The following MAF variants were observed in gnomAD, a reference collection of about 807,000 sequenced individuals.
The protein encoded by MAF is transcription factor Maf.
In MAF, 10 loss-of-function variants were observed where a neutral mutation model predicts 22.0. The observed-to-expected ratio is 0.45, with a 90% confidence interval of 0.28 to 0.77. The LOEUF is 0.77. Among genes scored for constraint, MAF ranks in the 30% least tolerant of loss-of-function variants. MAF has a pLI of 0.12. For synonymous variants in MAF, 337 were observed against 255.8 expected (o/e 1.32, Z -3.03); for missense variants, 544 against 548.4 (o/e 0.99, Z 0.08).
At chr16:79,447,293 C>T in the MAF span, among the ~76,000 whole-genome samples, 14 of 149,502 alleles carry the variant, frequency 9.4e-5, no homozygotes, top group South Asian at 8.5e-4. Context: ...CAACATGGTT[C>T]GCTGGATATT....
the MAF span, among the ~76,000 whole-genome samples, chr16:79,312,280 A>G: frequency 0.091 from 13,861 of 152,250 alleles, 1,391 homozygotes; most frequent in East Asian, 0.43. Flanking sequence ...CTGCATACAC[A>G]ACACAAAGGC....
At chr16:79,593,599 T>C (rs1913313597), downstream of MAF, among the ~76,000 whole-genome samples, 1 of 152,212 alleles carries the variant, frequency 6.6e-6, no homozygotes, top group Admixed American at 6.5e-5. Flanking sequence ...CCCAGGTAGT[T>C]ATGGCTTTGA....
the MAF span, among the ~76,000 whole-genome samples, chr16:79,548,013 G>T: frequency 2.0e-5 from 3 of 151,982 alleles, no homozygotes; most frequent in Non-Finnish European, 4.4e-5. Flanking sequence ...CAAAGAAACA[G>T]GTTCACACAC....
the MAF span, among the ~76,000 whole-genome samples, chr16:79,292,216 T>C: frequency 6.6e-6 from 1 of 152,264 alleles, no homozygotes; most frequent in African/African-American, 2.4e-5. Context: ...GTGTCTTTGC[T>C]GATGTGATCA....
At chr16:79,490,589 G>C in the MAF span, among the ~76,000 whole-genome samples, 4 of 148,986 alleles carry the variant, frequency 2.7e-5, no homozygotes, top group African/African-American at 9.8e-5. Context: ...AATGAATATA[G>C]AAGTATATGC....
chr16:79,299,535 T>A, the MAF span, among the ~76,000 whole-genome samples: 10 of 152,088 alleles, frequency 6.6e-5, no homozygotes, highest in African/African-American at 2.4e-4. Flanking sequence ...GGAAACTCAA[T>A]TGACGGTTAC....
At chr16:79,210,398 T>G in the MAF span, among the ~76,000 whole-genome samples, 1 of 152,140 alleles carries the variant, frequency 6.6e-6, no homozygotes, top group Non-Finnish European at 1.5e-5. Context: ...GGGAAACTCC[T>G]CCAGTAAGCA....
chr16:79,484,465 G>T, the MAF span, among the ~76,000 whole-genome samples: 6 of 152,302 alleles, frequency 3.9e-5, no homozygotes, highest in Admixed American at 3.9e-4. Context: ...CGTCCACCGG[G>T]CAATCACAGG....
the MAF span, among the ~76,000 whole-genome samples, chr16:79,486,405 A>T: frequency 1.3e-5 from 2 of 152,234 alleles, no homozygotes; most frequent in African/African-American, 4.8e-5. Flanking sequence ...TTTAACTCTT[A>T]GGACAATCTG....
chr16:79,509,019 T>C, the MAF span, among the ~76,000 whole-genome samples: 4 of 152,176 alleles, frequency 2.6e-5, no homozygotes, highest in Admixed American at 2.6e-4. Flanking sequence ...GTTAAGTGAA[T>C]TTCACCTCAA....
chr16:79,394,501 G>C, the MAF span, among the ~76,000 whole-genome samples: 6 of 152,138 alleles, frequency 3.9e-5, no homozygotes, highest in Middle Eastern at 3.2e-3. Context: ...TTTACGAATT[G>C]TTTTCACAAC....
chr16:79,521,830 C>G, the MAF span, among the ~76,000 whole-genome samples: 1 of 152,188 alleles, frequency 6.6e-6, no homozygotes, highest in Non-Finnish European at 1.5e-5. Context: ...ATACTAAGCA[C>G]TCTAATAAAT....
At chr16:79,212,243 G>A in the MAF span, 1 of 1,339,436 alleles carries the variant, frequency 7.5e-7, no homozygotes, top group Non-Finnish European at 9.9e-7. Flanking sequence ...TTGCTGCATT[G>A]ATCCAGGAGA....
the MAF span, among the ~76,000 whole-genome samples, chr16:79,560,817 C>G: frequency 6.6e-6 from 1 of 152,224 alleles, no homozygotes; most frequent in African/African-American, 2.4e-5. Flanking sequence ...ACTACCCTCC[C>G]AACTCCCCTG....
the MAF span, chr16:79,211,531 C>A: frequency 1.1e-5 from 18 of 1,586,642 alleles, no homozygotes; most frequent in Non-Finnish European, 1.6e-5. Flanking sequence ...CCTGCTAATG[C>A]CCAGGCAGTC....
chr16:79,347,540 C>A, the MAF span, among the ~76,000 whole-genome samples: 3 of 152,204 alleles, frequency 2.0e-5, no homozygotes, highest in Non-Finnish European at 4.4e-5. Context: ...CGGCTCCCAG[C>A]CCTCCCTATT....
the MAF span, among the ~76,000 whole-genome samples, chr16:79,478,006 C>A: frequency 6.6e-6 from 1 of 152,154 alleles, no homozygotes; most frequent in Admixed American, 6.5e-5. Context: ...CAGGTGTGAG[C>A]CACTGCGCCT....
intron 1 of MAF, 81 bp from the exon 2 acceptor site, chr16:79,594,634 A>G: frequency 6.7e-7 from 1 of 1,488,954 alleles, no homozygotes; most frequent in Admixed American, 2.3e-5. Flanking sequence ...AGATTTCCTC[A>G]TATGATTTTT....
At chr16:79,350,063 T>C in the MAF span, among the ~76,000 whole-genome samples, 1 of 152,226 alleles carries the variant, frequency 6.6e-6, no homozygotes, top group South Asian at 2.1e-4. Context: ...ATTATGTATG[T>C]ACATCTCTGC....
Sources: allele counts gnomAD v4.1 joint callset (sites outside exome capture counted in the v4.1 genomes callset), GRCh38; gene constraint gnomAD v4.1.1; transcripts MANE v1.5; gene names NCBI Gene and HGNC (gene_info 2026-07-23, HGNC 2026-07-21).